PHF20: variants seen among roughly 807,000 people sequenced by gnomAD.
PHF20 encodes the protein glioma-expressed antigen 2.
Under a neutral mutation model 113.5 loss-of-function variants are expected in PHF20, and 23 were observed. The ratio of observed to expected loss-of-function variants is 0.20; its 90% CI spans 0.15 to 0.29. The LOEUF is 0.29. Ranked by LOEUF, PHF20 falls within the 10% of genes least tolerant of loss-of-function variation. The pLI is 1.00. For synonymous variants in PHF20, 434 were observed against 457.3 expected, an observed-to-expected ratio of 0.95 and a Z score of 0.65; for missense variants, 943 against 1,219.6, an observed-to-expected ratio of 0.77 and a Z score of 3.38.
At chr20:35,945,956 G>T (rs1012048514) in intron 17 of PHF20, among the ~76,000 whole-genome samples, 1 of 152,144 alleles carries the variant, frequency 6.6e-6, no homozygotes, top group Non-Finnish European at 1.5e-5. Context: ...GATCACCTGA[G>T]GTCAGGAGTT....
intron 2 of PHF20, among the ~76,000 whole-genome samples, chr20:35,824,856 C>T (rs974555100): frequency 6.6e-6 from 1 of 152,180 alleles, no homozygotes; most frequent in Non-Finnish European, 1.5e-5. Context: ...TGGAGTCATA[C>T]AGTAGGTGAC....
rs753355315 is a variant in PHF20, at chr20:35,869,474, C to G, written c.845C>G (p.Thr282Arg). ...DSNSQTLQPI[T>R]LELRRRKISK... ...AACTCTCAAACTTTGCAACCAATAACATTGGAACTGAGAAGAAGGAAAATA... is the reference window on the plus strand; with the variant it reads ...AACTCTCAAACTTTGCAACCAATAAGATTGGAACTGAGAAGAAGGAAAATA... Residue 282 changes from threonine (T) to arginine (R), a missense_variant, in exon 7 of 18, where the codon ACA (threonine) becomes AGA (arginine). By Grantham distance (71) the Thr-to-Arg change is moderately conservative (BLOSUM62 -1). This residue lies in a region of PHF20 where 592 missense variants were observed against 787.2 expected (regional missense o/e 0.75). Transcript: ENST00000374012. The G allele has an allele frequency of 5.6e-6, 9 of 1,610,678 alleles. No individual in the cohort carries two copies. Among genetic ancestry groups the G allele is most frequent in the Non-Finnish European group, 6.8e-6 (8 of 1,177,890 alleles).
intron 4 of PHF20, among the ~76,000 whole-genome samples, chr20:35,852,238 T>G (rs2042745609): frequency 6.6e-6 from 1 of 152,152 alleles, no homozygotes; most frequent in Non-Finnish European, 1.5e-5. Flanking sequence ...GAGCAGGGTT[T>G]TCCTAAGAGG....
At chr20:35,815,287 T>C (rs1041853723) in intron 2 of PHF20, among the ~76,000 whole-genome samples, 6 of 151,002 alleles carry the variant, frequency 4.0e-5, no homozygotes, top group Admixed American at 1.3e-4. Flanking sequence ...TAAATGAAAC[T>C]CAAAATATGG....
At chr20:35,863,510 T>C (rs2054257998) in intron 6 of PHF20, 110 bp downstream of exon 6, 2 of 1,145,614 alleles carry the variant, frequency 1.7e-6, no homozygotes, top group Non-Finnish European at 2.5e-6. Context: ...TGTGACTGAT[T>C]TTGAATTGTC....
intron 2 of PHF20, among the ~76,000 whole-genome samples, chr20:35,827,088 A>G (rs532910222): frequency 1.2e-4 from 19 of 152,232 alleles, no homozygotes; most frequent in Admixed American, 3.9e-4. Context: ...TGCTTCTGGT[A>G]TGTGCCCTGA....
intron 1 of PHF20, among the ~76,000 whole-genome samples, chr20:35,790,452 C>T (rs2041522342): frequency 6.6e-6 from 1 of 152,160 alleles, no homozygotes; most frequent in Non-Finnish European, 1.5e-5. Flanking sequence ...CCGCCTGCCT[C>T]AGCCTCCCAA....
intron 16 of PHF20, 125 bp downstream of exon 16, chr20:35,939,233 A>C (rs1336239548): frequency 8.3e-7 from 1 of 1,205,420 alleles, no homozygotes; most frequent in Non-Finnish European, 1.1e-6. Flanking sequence ...CTTACCATAG[A>C]TATGTTTTGG....
intron 1 of PHF20, chr20:35,774,868 A>G (rs942013337): frequency 2.0e-5 from 3 of 152,180 alleles, no homozygotes; most frequent in Admixed American, 6.6e-5. Flanking sequence ...AACCATTGTC[A>G]TGTTTTCAGA....
rs1048745073 is a variant in PHF20 at position 35,871,035 on chromosome 20, G to A, written c.1003G>A (p.Gly335Arg). Residue 335 changes from glycine to arginine, a missense_variant, in exon 8 of 18, where the codon GGG (glycine) becomes AGG (arginine). Transcript: ENST00000374012. Reference sequence around the variant, plus strand: ...ACGTTCCTCCAGGCTGTCCACTAATGGGACCCATGAGATCCTAGATCCTGA... The same window carrying A: ...ACGTTCCTCCAGGCTGTCCACTAATAGGACCCATGAGATCCTAGATCCTGA... ...RRRSSRLSTN[G>R]THEILDPDLV... 1.2e-6 allele frequency: 2 copies of A among 1,612,446 alleles called. No individual in the cohort carries two copies. Among genetic ancestry groups the A allele is most frequent in the African/African-American group, 1.3e-5 (1 of 74,856 alleles).
chr20:35,772,658 C>T (rs1569109310), intron 1 of PHF20, among the ~76,000 whole-genome samples: 1 of 151,944 alleles, frequency 6.6e-6, no homozygotes, highest in Non-Finnish European at 1.5e-5. Context: ...AAAGCCCTCC[C>T]CCCCCCAAAT....
At chr20:35,805,536 CG>C in intron 2 of PHF20, among the ~76,000 whole-genome samples, 1 of 151,806 alleles carries the variant, frequency 6.6e-6, no homozygotes, top group South Asian at 2.1e-4. Context: ...TTAGTAGAGA[CG>C]GGGTTTCACT....
At chr20:35,818,704 T>C (rs2042117265) in intron 2 of PHF20, among the ~76,000 whole-genome samples, 1 of 152,106 alleles carries the variant, frequency 6.6e-6, no homozygotes, top group Non-Finnish European at 1.5e-5. Context: ...ACCTGGCTCA[T>C]TTTTGTATTT....
intron 10 of PHF20, among the ~76,000 whole-genome samples, chr20:35,904,241 CTG>C (rs2055156335): frequency 6.7e-6 from 1 of 148,586 alleles, no homozygotes; most frequent in African/African-American, 2.5e-5. Context: ...ATAATAGTAA[CTG>C]TAAAAAAGTA....
chr20:35,910,220 C>G (rs373922837), intron 10 of PHF20, among the ~76,000 whole-genome samples: 1 of 152,018 alleles, frequency 6.6e-6, no homozygotes, highest in East Asian at 1.9e-4. Context: ...GTAGATAAGC[C>G]CATGGAGTCA....
intron 10 of PHF20, among the ~76,000 whole-genome samples, chr20:35,912,049 C>T (rs1170491203): frequency 2.0e-5 from 3 of 149,564 alleles, no homozygotes; most frequent in Admixed American, 1.3e-4. Context: ...GACATGATCT[C>T]GGCTCACTGC....
intron 1 of PHF20, among the ~76,000 whole-genome samples, chr20:35,785,253 A>G (rs2041385249): frequency 6.6e-6 from 1 of 152,100 alleles, no homozygotes; most frequent in East Asian, 1.9e-4. Flanking sequence ...TAAATGTTGA[A>G]TATTTCCTGG....
At chr20:35,834,512 A>G (rs2042407409) in intron 2 of PHF20, among the ~76,000 whole-genome samples, 1 of 151,830 alleles carries the variant, frequency 6.6e-6, no homozygotes, top group African/African-American at 2.4e-5. Flanking sequence ...CAGCCTCCCA[A>G]AGTGCTGGGA....
intron 8 of PHF20, 144 bp downstream of exon 8, chr20:35,871,278 T>C (rs2146990142): frequency 1.4e-6 from 1 of 720,640 alleles, no homozygotes; most frequent in East Asian, 2.6e-5. Context: ...TTTTATAATG[T>C]ATTGCTCTTC....
Sources: gnomAD v4.1 joint callset for allele counts (sites outside exome capture counted in the v4.1 genomes callset) on GRCh38, gnomAD v4.1.1 for gene constraint, gnomAD v4.1.1 regional missense constraint, MANE v1.5 for transcripts, NCBI Gene and HGNC (gene_info 2026-07-23, HGNC 2026-07-21) for gene names.